The following KCNAB1 variants were observed in gnomAD, a reference collection of about 807,000 sequenced individuals.
KCNAB1 encodes the protein potassium voltage-gated channel subfamily A regulatory beta subunit 1.
In KCNAB1, 35 loss-of-function variants were observed where a neutral mutation model predicts 64.6. The observed-to-expected ratio is 0.54, with a 90% CI of 0.41 to 0.72. KCNAB1 has a LOEUF of 0.72. Among genes scored for constraint, KCNAB1 ranks in the 30% least tolerant of loss-of-function variants. The pLI, the probability that KCNAB1 is intolerant of heterozygous loss-of-function variation, is 0.00. For synonymous variants in KCNAB1, 177 were observed against 183.8 expected (o/e 0.96, Z 0.30); for missense variants, 401 against 512.9 (o/e 0.78, Z 2.11).
chr3:156,155,839 A>C (rs929578947), intron 1 of KCNAB1, among the ~76,000 whole-genome samples: 35 of 152,206 alleles, frequency 2.3e-4, no homozygotes, highest in African/African-American at 8.2e-4. Flanking sequence ...TACAGCAAAA[A>C]GATACAGATT....
rs1350505142 is a variant in KCNAB1, at chr3:156,472,113, G to A, written c.572-2621G>A. The stretch of plus-strand genomic sequence containing the variant: ...TCAACTTGGCTCCCCGACCACCTCC[G>A]GTTGGCTTTCCCCCTGACTGCCCCA... On this transcript the variant is annotated intron_variant, in intron 7 of 13. Coordinates refer to ENST00000490337, the MANE Select transcript of KCNAB1 (RefSeq NM_172160.3). 1.3e-4 allele frequency among the ~76,000 whole-genome samples: 19 copies of A among 151,978 alleles called. 1 individual carries two copies. The highest frequency in any genetic ancestry group is 1.2e-3 in the Admixed American group (19 of 15,276).
At chr3:156,404,308 C>G (rs1157854197) in intron 1 of KCNAB1, among the ~76,000 whole-genome samples, 1 of 151,814 alleles carries the variant, frequency 6.6e-6, no homozygotes, top group African/African-American at 2.4e-5. Flanking sequence ...TTCTTTACTG[C>G]ATAACTGAGT....
At chr3:156,285,968 A>C (rs904791127) in intron 1 of KCNAB1, among the ~76,000 whole-genome samples, 6 of 152,242 alleles carry the variant, frequency 3.9e-5, no homozygotes, top group Admixed American at 3.9e-4. Context: ...ATTGGAAAGC[A>C]CACCTATCCT....
intron 1 of KCNAB1, among the ~76,000 whole-genome samples, chr3:156,281,985 A>C (rs1183946146): frequency 1.3e-5 from 2 of 150,542 alleles, no homozygotes; most frequent in Non-Finnish European, 2.9e-5. Context: ...CTCTGATTTT[A>C]GTTATTTCTT....
chr3:156,366,009 C>T (rs1725920793), intron 1 of KCNAB1, among the ~76,000 whole-genome samples: 1 of 152,168 alleles, frequency 6.6e-6, no homozygotes, highest in Admixed American at 6.5e-5. Context: ...TTTATCTTTT[C>T]TCCTACACTT....
upstream of KCNAB1, among the ~76,000 whole-genome samples, chr3:156,119,264 A>C (rs115587003): frequency 8.1e-3 from 1,227 of 152,304 alleles, 24 homozygotes; most frequent in African/African-American, 0.028. Context: ...AAGATAATCC[A>C]AGACAGCAGT....
At chr3:156,477,092 A>G (rs951263217) in intron 8 of KCNAB1, among the ~76,000 whole-genome samples, 9 of 152,190 alleles carry the variant, frequency 5.9e-5, no homozygotes, top group South Asian at 2.1e-4. Context: ...GAAATCCTCA[A>G]TTAGGAGCCA....
chr3:156,535,149 C>T (rs1407644613), intron 13 of KCNAB1, among the ~76,000 whole-genome samples: 1 of 152,204 alleles, frequency 6.6e-6, no homozygotes, highest in Non-Finnish European at 1.5e-5. Flanking sequence ...CCTTCAGCTT[C>T]AGACAGTAAA....
Position 156,150,646 on chromosome 3 carries a change from G to T in KCNAB1, c.275+29760G>T, listed in dbSNP as rs570670410. 2.0e-4 allele frequency among the ~76,000 whole-genome samples: 31 copies of T among 152,264 alleles called. No individual in the cohort carries two copies. The South Asian group carries it at 6.4e-3, about 32-fold the overall frequency. On this transcript the variant is annotated intron_variant, in intron 1 of 13. Coordinates refer to ENST00000490337, the MANE Select transcript of KCNAB1 (RefSeq NM_172160.3). ...AAAACAATTCCTGAATTTCCCTGCA[G>T]TGCCTTTGAGTGCCACTGGGATGTG...
At chr3:156,373,592 C>T (rs1726470140) in intron 1 of KCNAB1, among the ~76,000 whole-genome samples, 1 of 152,158 alleles carries the variant, frequency 6.6e-6, no homozygotes, top group Admixed American at 6.5e-5. Flanking sequence ...AGTTGTTAAT[C>T]ACAGGATAAC....
At chr3:156,300,528 C>G (rs556114436) in intron 1 of KCNAB1, among the ~76,000 whole-genome samples, 4 of 152,176 alleles carry the variant, frequency 2.6e-5, no homozygotes, top group African/African-American at 7.2e-5. Context: ...AAAGTCTAGA[C>G]TTTTCAGTAT....
chr3:156,479,870 A>G (rs1450835396), intron 8 of KCNAB1, among the ~76,000 whole-genome samples: 6 of 152,118 alleles, frequency 3.9e-5, no homozygotes, highest in African/African-American at 7.2e-5. Context: ...ACTTATTCCC[A>G]TAGTATCATC....
chr3:156,139,588 T>TG (rs1253753106), intron 1 of KCNAB1, among the ~76,000 whole-genome samples: 10 of 138,184 alleles, frequency 7.2e-5, no homozygotes, highest in Non-Finnish European at 9.3e-5. Flanking sequence ...TACTGTGTTT[T>TG]TTTTTTTTTT....
chr3:156,536,596 AC>A, intron 13 of KCNAB1, 61 bp from the exon 14 acceptor site: 1 of 1,155,110 alleles, frequency 8.7e-7, no homozygotes, highest in Non-Finnish European at 1.3e-6. Flanking sequence ...AATATAGAGC[AC>A]AAAAAACCGA....
chr3:156,196,214 A>G (rs867580518), intron 1 of KCNAB1, among the ~76,000 whole-genome samples: 2 of 151,496 alleles, frequency 1.3e-5, no homozygotes, highest in Non-Finnish European at 3.0e-5. Flanking sequence ...TACGGTTGCC[A>G]TGTAGTATAG....
chr3:156,210,588 C>T (rs1426865379), intron 1 of KCNAB1, among the ~76,000 whole-genome samples: 1 of 152,222 alleles, frequency 6.6e-6, no homozygotes, highest in African/African-American at 2.4e-5. Flanking sequence ...TGCCTGACAC[C>T]ATGCTGAGAG....
At chr3:156,413,881 TAACCATAAG>T in intron 1 of KCNAB1, among the ~76,000 whole-genome samples, 1 of 152,268 alleles carries the variant, frequency 6.6e-6, no homozygotes, top group East Asian at 1.9e-4. Flanking sequence ...TCGTACACAA[TAACCATAAG>T]ATGCACTGTG....
At position 156,452,921 on chromosome 3, in the gene KCNAB1, T is replaced by G; in HGVS notation, c.342T>G (p.Gly114=). 2 of 1,604,122 alleles carry G rather than the reference T, an allele frequency of 1.2e-6. No homozygotes were observed. The highest frequency in any genetic ancestry group is 1.7e-6 in the Non-Finnish European group (2 of 1,172,758). Residue 114 remains glycine (G), a synonymous_variant, in exon 3 of 14, where the codon GGT becomes GGG. Coordinates refer to ENST00000490337, the MANE Select transcript of KCNAB1 (RefSeq NM_172160.3). The surrounding 1 kb of genome is among the most constrained non-coding windows in gnomAD (Gnocchi z 4.6). ...LGLGTWVTFG[G]QISDEVAERL... is the part of the protein sequence containing the mutation. ...TAGGAACATGGGTGACATTTGGAGG[T>G]CAAATTTCAGATGAGGTAAGTTACC...
intron 1 of KCNAB1, among the ~76,000 whole-genome samples, chr3:156,133,505 A>C (rs1419022732): frequency 6.6e-6 from 1 of 152,242 alleles, no homozygotes; most frequent in Non-Finnish European, 1.5e-5. Flanking sequence ...AGTTTCTAAC[A>C]ATCAAACTAG....
Sources: allele counts gnomAD v4.1 joint callset (sites outside exome capture counted in the v4.1 genomes callset), GRCh38; gene constraint gnomAD v4.1.1; non-coding constraint Gnocchi (gnomAD v3.1); transcripts MANE v1.5; gene names NCBI Gene and HGNC (gene_info 2026-07-23, HGNC 2026-07-21).